FAT1: variants seen among roughly 807,000 people sequenced by gnomAD.
FAT1 encodes the protein protocadherin Fat 1.
A neutral mutation model predicts 329.8 loss-of-function variants in FAT1; 171 were observed. The observed-to-expected ratio is 0.52, with a 90% confidence interval of 0.46 to 0.59. The LOEUF is 0.59. FAT1 is among the 20% of genes least tolerant of loss of function. The pLI is 0.00. For synonymous variants in FAT1, 2,233 were observed against 2,228.6 expected (o/e 1.00, Z -0.06); for missense variants, 5,672 against 5,774.4 (o/e 0.98, Z 0.57).
intron 20 of FAT1, chr4:186,601,732 A>G (rs1738828550): frequency 4.6e-6 from 1 of 218,892 alleles, no homozygotes; most frequent in African/African-American, 2.3e-5. Context: ...ATAGTTATAC[A>G]TAGCCTCAAG....
rs138831269 is a variant in FAT1 at position 186,590,480 on chromosome 4, A to G, written c.13139-1260T>C. The G allele has an allele frequency of 2.2e-3, 2,227 of 1,024,150 alleles. 26 individuals carry two copies. In the African/African-American group the frequency reaches 0.03, roughly 14 times the overall value. The allele number at this position is 1,024,150 out of a possible 1,614,324, so 63.4% of individuals were successfully genotyped here. ...GGCTGAAAAGGCAATAAAGGTAAGTACACAGAACAATGAAAACTGCTTACA... is the reference window on the plus strand; with the variant it reads ...GGCTGAAAAGGCAATAAAGGTAAGTGCACAGAACAATGAAAACTGCTTACA... On this transcript the variant is annotated intron_variant, in intron 26 of 26. Coordinates refer to ENST00000441802, the MANE Select transcript of FAT1 (RefSeq NM_005245.4).
intron 3 of FAT1, among the ~76,000 whole-genome samples, chr4:186,646,153 G>C (rs546151119): frequency 6.6e-6 from 1 of 152,088 alleles, no homozygotes; most frequent in Non-Finnish European, 1.5e-5. Flanking sequence ...CTAAAGGAAG[G>C]AATCTCTGCA....
chr4:186,643,059 A>G (rs528740588), intron 3 of FAT1, among the ~76,000 whole-genome samples: 1 of 152,334 alleles, frequency 6.6e-6, no homozygotes, highest in Admixed American at 6.5e-5. Context: ...CCACTAACAA[A>G]TACAGTCACC....
intron 2 of FAT1, among the ~76,000 whole-genome samples, chr4:186,705,513 A>G (rs1744540717): frequency 1.3e-5 from 2 of 152,192 alleles, no homozygotes; most frequent in Non-Finnish European, 2.9e-5. Flanking sequence ...TATTTCCACT[A>G]TCATTCTCAG....
At chr4:186,590,995 C>T (rs1439233096) in intron 26 of FAT1, among the ~76,000 whole-genome samples, 1 of 152,236 alleles carries the variant, frequency 6.6e-6, no homozygotes, top group African/African-American at 2.4e-5. Flanking sequence ...ACACTTACCC[C>T]ATGTCTGTAA....
Position 186,628,695 on chromosome 4 carries a change from A to G in FAT1, c.4392T>C (p.Val1464=). Residue 1464 remains valine (V), a synonymous_variant, in exon 8 of 27, where the codon GTT becomes GTC. Coordinates refer to ENST00000441802, the MANE Select transcript of FAT1 (RefSeq NM_005245.4). The part of the protein sequence containing the change: ...PQFSTSKYEV[V]IPEDTAPETE... ...TTTCTGGCGCTGTATCTTCAGGAAT[A>G]ACAACTTCATACTTTGATGTAGAAA... The G allele has an allele frequency of 6.2e-7, 1 of 1,613,968 alleles. No homozygotes were observed. Among genetic ancestry groups the G allele is most frequent in the Non-Finnish European group, 8.5e-7 (1 of 1,179,896 alleles).
chr4:186,623,845 G>A (rs1414528181), intron 9 of FAT1, among the ~76,000 whole-genome samples: 1 of 151,976 alleles, frequency 6.6e-6, no homozygotes, highest in African/African-American at 2.4e-5. Context: ...GCTCTTTATC[G>A]GCCATGCAAG....
At chr4:186,609,043 T>G (rs2126456060) in intron 16 of FAT1, 140 bp downstream of exon 16, 1 of 789,850 alleles carries the variant, frequency 1.3e-6, no homozygotes, top group South Asian at 2.0e-5. Context: ...TGTCATTGCT[T>G]TTCGAGTGTT....
At position 186,677,955 on chromosome 4, in the gene FAT1, AAT is replaced by A. The variant is rs559184118; in HGVS notation, c.3266-14344_3266-14343del. Among the ~76,000 whole-genome samples, 516 of 152,294 alleles carry A rather than the reference AAT, an allele frequency of 3.4e-3. 4 individuals are homozygous for A. The highest frequency in any genetic ancestry group is 0.012 in the African/African-American group (496 of 41,566). On this transcript the variant is annotated intron_variant, in intron 2 of 26. Coordinates refer to ENST00000441802, the MANE Select transcript of FAT1 (RefSeq NM_005245.4). ...AGAACTGAAACAAGAAAAAATGAAA[AAT>A]AGAGAATAACTGCAGTAGTTCTTAT...
At chr4:186,689,319 A>G (rs903340373) in intron 2 of FAT1, among the ~76,000 whole-genome samples, 4 of 152,248 alleles carry the variant, frequency 2.6e-5, no homozygotes, top group Admixed American at 1.3e-4. Context: ...TAAATGAGGG[A>G]ACTTCAATAA....
rs557506058 is a variant in FAT1 at position 186,606,123 on chromosome 4, C to T, written c.10297G>A (p.Val3433Ile). The change falls in exon 17 of 27, where the codon GTC becomes ATC. Residue 3433 changes from valine to isoleucine, a missense_variant. By Grantham distance (29) the Val-to-Ile change is conservative. Around this residue, in one of 2 missense-constraint regions of FAT1, gnomAD observed 1,706 missense variants for 1,859.1 expected, o/e 0.92. Transcript: ENST00000441802. ...TTTVNIDVSD[V>I]NDNAPVFSRG... ...GAGAAGACGGGCGCGTTGTCATTGA[C>T]ATCGGACACATCGATGTTCACGGTC... is the stretch of plus-strand genomic sequence containing the variant. 6.1e-5 allele frequency: 99 copies of T among 1,613,464 alleles called. 1 individual carries two copies. The South Asian group carries it at 1.0e-3, about 17-fold the overall frequency.
intron 3 of FAT1, among the ~76,000 whole-genome samples, chr4:186,656,180 T>A (rs1176796234): frequency 6.6e-6 from 1 of 152,204 alleles, no homozygotes; most frequent in Non-Finnish European, 1.5e-5. Context: ...GGGGCATAGC[T>A]GTCCCCAGTT....
At position 186,707,762 on chromosome 4, in the gene FAT1, T is replaced by C. The variant is rs895717019; in HGVS notation, c.2066A>G (p.Gln689Arg). Residue 689 changes from glutamine to arginine, a missense_variant, in exon 2 of 27, where the codon CAG (glutamine) becomes CGG (arginine). This residue lies in a region of FAT1 where 3,966 missense variants were observed against 3,915.2 expected (regional missense o/e 1.01). Transcript: ENST00000441802. ...VAKMLAEKLL[Q>R]ANKLHNQGEV... Reference sequence around the variant, plus strand: ...TCCCTGGTTGTGTAATTTATTTGCCTGCAGGAGCTTCTCTGCCAGCATTTT... The same window carrying C: ...TCCCTGGTTGTGTAATTTATTTGCCCGCAGGAGCTTCTCTGCCAGCATTTT... 1 of 1,613,632 alleles carries C rather than the reference T, an allele frequency of 6.2e-7. No individual in the cohort carries two copies. Among genetic ancestry groups the C allele is most frequent in the African/African-American group, 1.3e-5 (1 of 74,924 alleles).
Position 186,709,355 on chromosome 4 carries a change from A to T in FAT1, c.473T>A (p.Leu158Ter), listed in dbSNP as rs2126703556. The T allele has an allele frequency of 6.2e-7, 1 of 1,613,998 alleles. No homozygotes were observed. Among genetic ancestry groups the T allele is most frequent in the Non-Finnish European group, 8.5e-7 (1 of 1,179,880 alleles). Residue 158 changes from leucine to a stop codon, truncating the protein, a stop_gained, in exon 2 of 27, where the codon TTA (leucine) becomes TAA (stop). Transcript: ENST00000441802. LOFTEE classifies it high-confidence loss of function. ...LFSPTSYSVS[L>*]PENTAIRTSI... is the part of the protein sequence containing the mutation. ...GGTCCTTATAGCTGTGTTTTCAGGT[A>T]AAGAAACGCTGTATGAGGTGGGTGA...
chr4:186,653,756 T>C (rs993219026), intron 3 of FAT1, among the ~76,000 whole-genome samples: 3 of 152,194 alleles, frequency 2.0e-5, no homozygotes, highest in African/African-American at 7.2e-5. Context: ...CGGTGCTCAC[T>C]CATTTCCGTA....
rs2126426913 is a variant in FAT1, at chr4:186,603,357, C to T, written c.11169G>A (p.Glu3723=). 6.2e-7 allele frequency: 1 copy of T among 1,614,012 alleles called. No homozygotes were observed. Residue 3723 remains glutamate (E), a synonymous_variant, in exon 19 of 27, where the codon GAG becomes GAA. Transcript: ENST00000441802. The part of the protein sequence containing the change: ...HKINSSVTDI[E]EIIGVRILNV... Reference sequence around the variant, plus strand: ...TCAGTATCCTAACTCCAATGATTTCCTCAATGTCAGTCACGGAAGAGTTAA... The same window carrying T: ...TCAGTATCCTAACTCCAATGATTTCTTCAATGTCAGTCACGGAAGAGTTAA...
chr4:186,709,963 T>A, intron 1 of FAT1, 118 bp from the exon 2 acceptor site: 1 of 900,748 alleles, frequency 1.1e-6, no homozygotes, highest in Non-Finnish European at 1.6e-6. Context: ...TATAAATAAA[T>A]GCAACGGTTT....
chr4:186,633,922 A>C, intron 6 of FAT1, 99 bp from the exon 7 acceptor site: 6 of 1,310,714 alleles, frequency 4.6e-6, no homozygotes, highest in Non-Finnish European at 6.4e-6. Flanking sequence ...AAATCTTCTA[A>C]TATACTAGCA....
Position 186,603,990 on chromosome 4 carries a change from A to G in FAT1, c.10549-13T>C, listed in dbSNP as rs769005378. ...CATTATCTGCCACCTACAAGAAAAG[A>G]AAAATAAAATCACCTTTGTCTATGG... On this transcript the variant is annotated splice_polypyrimidine_tract_variant and intron_variant, in intron 18 of 26. Transcript: ENST00000441802. 6.3e-7 allele frequency: 1 copy of G among 1,593,628 alleles called. No individual in the cohort carries two copies. The highest frequency in any genetic ancestry group is 8.6e-7 in the Non-Finnish European group (1 of 1,164,164).
Sources: gnomAD v4.1 joint callset for allele counts (sites outside exome capture counted in the v4.1 genomes callset) on GRCh38, gnomAD v4.1.1 for gene constraint, gnomAD v4.1.1 regional missense constraint, MANE v1.5 for transcripts, NCBI Gene and HGNC (gene_info 2026-07-23, HGNC 2026-07-21) for gene names.